Variants in FNDC1 observed in about 807,000 individuals in gnomAD.
The protein encoded by FNDC1 is fibronectin type III domain containing 1.
In FNDC1, 96 loss-of-function variants were observed where a neutral mutation model predicts 168.0. That is an observed-to-expected ratio of 0.57 (90% confidence interval 0.48 to 0.68). The LOEUF is 0.68. FNDC1 is among the 30% of genes least tolerant of loss of function. The pLI is 0.00. For missense variants in FNDC1, 2,587 were observed against 2,482.1 expected, an observed-to-expected ratio of 1.04 and a Z score of -0.90; for synonymous variants, 1,099 against 1,025.9, an observed-to-expected ratio of 1.07 and a Z score of -1.36.
In FNDC1 at chr6:159,256,157, C is replaced by T. The variant is rs538043643; in HGVS notation, c.5066-366C>T. ...TGCAGGGCAATGGTGTACTATCTTA[C>T]CCGGAAGTTCTTAAATACATGTGTG... On this transcript the variant is annotated intron_variant, in intron 17 of 22. Transcript: ENST00000297267. Among the ~76,000 whole-genome samples the T allele has an allele frequency of 9.8e-4, 150 of 152,304 alleles. 1 individual carries two copies. The highest frequency in any genetic ancestry group is 3.4e-3 in the African/African-American group (143 of 41,560).
intron 1 of FNDC1, among the ~76,000 whole-genome samples, chr6:159,187,011 C>T (rs1408141460): frequency 3.9e-5 from 6 of 152,124 alleles, no homozygotes; most frequent in East Asian, 1.9e-4. Flanking sequence ...GTGACAACCA[C>T]GGGGAATTTA....
intron 7 of FNDC1, among the ~76,000 whole-genome samples, chr6:159,224,180 C>A (rs2114979356): frequency 6.6e-6 from 1 of 152,332 alleles, no homozygotes; most frequent in South Asian, 2.1e-4. Flanking sequence ...TGCACCTTAT[C>A]TTCTCTTAAA....
At chr6:159,208,461 A>G (rs546508676) in intron 4 of FNDC1, among the ~76,000 whole-genome samples, 2 of 152,310 alleles carry the variant, frequency 1.3e-5, no homozygotes, top group African/African-American at 4.8e-5. Flanking sequence ...GAACCTCTTA[A>G]TTCTTGTGGT....
At chr6:159,205,516 C>G (rs1027641093) in intron 4 of FNDC1, among the ~76,000 whole-genome samples, 11 of 152,312 alleles carry the variant, frequency 7.2e-5, no homozygotes, top group African/African-American at 2.6e-4. Context: ...CTCTGAACAC[C>G]TGGCTCCGGC....
At position 159,271,597 on chromosome 6, in the gene FNDC1, C is replaced by CTGGA. The variant is rs1411322367; in HGVS notation, c.*156_*159dup. The CTGGA allele has an allele frequency of 1.2e-5, 7 of 602,198 alleles. No individual in the cohort carries two copies. The East Asian group carries it at 2.1e-4, about 18-fold the overall frequency. 37.3% of individuals were successfully genotyped at this position (602,198 alleles called of 1,614,324 possible). A position where few individuals can be genotyped will look rare whatever the true frequency, so the allele number is the denominator to read the frequency against. ...CACTGGCCATTCTGGTCATCTCAGT[C>CTGGA]TGGAACTCAGTCCCACTTCTTGGCC... On this transcript the variant is annotated 3_prime_UTR_variant, in exon 23 of 23. Coordinates refer to ENST00000297267, the MANE Select transcript of FNDC1 (RefSeq NM_032532.3).
chr6:159,256,745 C>T, intron 18 of FNDC1, 114 bp downstream of exon 18: 2 of 766,462 alleles, frequency 2.6e-6, no homozygotes, highest in South Asian at 3.3e-5. Flanking sequence ...TTTGAATACC[C>T]TGTTTGGTTC....
Position 159,233,804 on chromosome 6 carries a change from G to A in FNDC1, c.3292G>A (p.Ala1098Thr), listed in dbSNP as rs1783170242. 1.3e-6 allele frequency: 2 copies of A among 1,536,972 alleles called. No homozygotes were observed. Among genetic ancestry groups the A allele is most frequent in the Middle Eastern group, 3.4e-4 (2 of 5,920 alleles). The change falls in exon 11 of 23, where the codon GCG becomes ACG. Residue 1098 changes from alanine to threonine, a missense_variant. By Grantham distance (58) the Ala-to-Thr change is moderately conservative (BLOSUM62 0). Transcript: ENST00000297267. This position sits in a 1 kb window ranked among gnomAD's most constrained non-coding sequence, Gnocchi z 4.6. ...GGATGTGCGGGCCCCCGCGCACGCCGCGCGCGCCAAGGAGGCAGCTGCGTC... is the reference window on the plus strand; with the variant it reads ...GGATGTGCGGGCCCCCGCGCACGCCACGCGCGCCAAGGAGGCAGCTGCGTC... ...AQDVRAPAHA[A>T]RAKEAAASLP... is the part of the protein sequence containing the mutation.
Position 159,229,898 on chromosome 6 carries a change from G to T in FNDC1, c.1264G>T (p.Val422Leu). ...TYPGDTTSAL[V>L]DGLQPGERYL... is the part of the protein sequence containing the mutation. ...TCCTGGAGACACTACTTCTGCCCTG[G>T]TGGATGGTCTGCAGCCTGGGGAACG... The change falls in exon 10 of 23, where the codon GTG (valine) becomes TTG (leucine). Residue 422 changes from valine (V) to leucine (L), a missense_variant. Coordinates refer to ENST00000297267, the MANE Select transcript of FNDC1 (RefSeq NM_032532.3). 6.2e-7 allele frequency: 1 copy of T among 1,613,968 alleles called. No individual in the cohort carries two copies. Among genetic ancestry groups the T allele is most frequent in the African/African-American group, 1.3e-5 (1 of 75,022 alleles).
Position 159,233,780 on chromosome 6 carries a change from G to C in FNDC1, c.3268G>C (p.Asp1090His), listed in dbSNP as rs190701224. Residue 1090 changes from aspartate (D) to histidine (H), a missense_variant, in exon 11 of 23, where the codon GAT (aspartate) becomes CAT (histidine). Coordinates refer to ENST00000297267, the MANE Select transcript of FNDC1 (RefSeq NM_032532.3). The surrounding 1 kb of genome is among the most constrained non-coding windows in gnomAD (Gnocchi z 4.6). ...CGACAGCACAGAAGTCGAGGCCCAG[G>C]ATGTGCGGGCCCCCGCGCACGCCGC... ...DDDSTEVEAQ[D>H]VRAPAHAARA... 193 of 1,542,598 alleles carry C rather than the reference G, an allele frequency of 1.3e-4. No individual in the cohort carries two copies. The African/African-American group carries it at 1.4e-3, about 11-fold the overall frequency.
chr6:159,210,812 T>TATC (rs1021775048), intron 4 of FNDC1, among the ~76,000 whole-genome samples: 1 of 152,180 alleles, frequency 6.6e-6, no homozygotes, highest in African/African-American at 2.4e-5. Context: ...CCCATCTGGC[T>TATC]ATCAGCAGCC....
chr6:159,269,443 T>C (rs1295803029), intron 22 of FNDC1, among the ~76,000 whole-genome samples: 1 of 140,834 alleles, frequency 7.1e-6, no homozygotes, highest in East Asian at 2.1e-4. Context: ...CCATCCATTA[T>C]CTACCTATTC....
intron 15 of FNDC1, among the ~76,000 whole-genome samples, chr6:159,247,639 C>G (rs1473565219): frequency 6.6e-6 from 1 of 152,166 alleles, no homozygotes; most frequent in Admixed American, 6.5e-5. Flanking sequence ...GGTCCAGCTA[C>G]TTGAGAGGCT....
At chr6:159,254,843 A>G (rs1352106040) in intron 17 of FNDC1, among the ~76,000 whole-genome samples, 1 of 152,102 alleles carries the variant, frequency 6.6e-6, no homozygotes, top group Admixed American at 6.5e-5. Context: ...CTGAAGCCTT[A>G]GAAGCATCTT....
intron 6 of FNDC1, among the ~76,000 whole-genome samples, chr6:159,223,304 C>T (rs1254882201): frequency 6.6e-6 from 1 of 151,860 alleles, no homozygotes; most frequent in African/African-American, 2.4e-5. Flanking sequence ...CCGAAATGCT[C>T]ATTTCTTAGC....
intron 2 of FNDC1, among the ~76,000 whole-genome samples, chr6:159,199,443 AC>A (rs1312070673): frequency 2.6e-5 from 4 of 152,270 alleles, no homozygotes; most frequent in Admixed American, 2.6e-4. Context: ...ATGGTCAAAA[AC>A]AACATGCAGA....
At chr6:159,175,860 C>T (rs1045609482) in intron 1 of FNDC1, among the ~76,000 whole-genome samples, 13 of 152,158 alleles carry the variant, frequency 8.5e-5, no homozygotes, top group South Asian at 2.1e-4. Context: ...AGAAGGCTCC[C>T]GGAAGTGCTA....
intron 1 of FNDC1, among the ~76,000 whole-genome samples, chr6:159,170,194 G>T (rs1345346698): frequency 1.3e-5 from 2 of 152,134 alleles, no homozygotes; most frequent in Non-Finnish European, 2.9e-5. Flanking sequence ...GCGAGCTGCC[G>T]CAGGGCGTCG....
In FNDC1 at chr6:159,169,697, C is replaced by A. The variant is rs534463114; in HGVS notation, c.101C>A (p.Ala34Glu). ...CTGCTCCCCGTCGCCTCCTCGGCGG[C>A]GGCCTCAGGTACGCGCCGCGCCCGG... ...AALLPVASSAAASVDHPLKPR... is the reference protein window; with the variant it reads ...AALLPVASSAEASVDHPLKPR... The change falls in exon 1 of 23, where the codon GCG becomes GAG. Residue 34 changes from alanine (A) to glutamate (E), a missense_variant. Transcript: ENST00000297267. The surrounding 1 kb of genome is among the most constrained non-coding windows in gnomAD (Gnocchi z 6.8). 1 of 1,156,368 alleles carries A rather than the reference C, an allele frequency of 8.6e-7. No homozygotes were observed. Among genetic ancestry groups the A allele is most frequent in the Non-Finnish European group, 1.1e-6 (1 of 938,430 alleles). 71.6% of individuals were successfully genotyped at this position (1,156,368 alleles called of 1,614,324 possible).
chr6:159,230,451 G>T (rs572038919), intron 10 of FNDC1, among the ~76,000 whole-genome samples: 1 of 152,324 alleles, frequency 6.6e-6, no homozygotes, highest in East Asian at 1.9e-4. Context: ...CACTGGCTGG[G>T]AGATGGGTTC....
Sources: allele counts gnomAD v4.1 joint callset (sites outside exome capture counted in the v4.1 genomes callset), GRCh38; gene constraint gnomAD v4.1.1; non-coding constraint Gnocchi (gnomAD v3.1); transcripts MANE v1.5; gene names NCBI Gene and HGNC (gene_info 2026-07-23, HGNC 2026-07-21).